ITGA9: variants seen among roughly 807,000 people sequenced by gnomAD.
ITGA9 encodes the protein integrin subunit alpha 9.
In ITGA9, 56 loss-of-function variants were observed where a neutral mutation model predicts 127.8. That is an observed-to-expected ratio of 0.44 (90% CI 0.35 to 0.55). The LOEUF (loss-of-function observed/expected upper bound fraction) is 0.55. Among genes scored for constraint, ITGA9 ranks in the 20% least tolerant of loss-of-function variants. The probability of loss-of-function intolerance (pLI) is 0.00; values close to 1 mark genes in which losing one functional copy is unlikely to be tolerated. For missense variants in ITGA9, 1,196 were observed against 1,347.1 expected (o/e 0.89, Z 1.76); for synonymous variants, 508 against 514.5 (o/e 0.99, Z 0.17).
In ITGA9 at chr3:37,672,540, G is replaced by A. The variant is rs1257154291; in HGVS notation, c.1917-11325G>A. On this transcript the variant is annotated intron_variant, in intron 17 of 27. Transcript: ENST00000264741. ...AGTCTCAAGTATATCTTTATTAGCA[G>A]TATGAGAACAGGCTAATACAGGCGG... 3.9e-5 allele frequency among the ~76,000 whole-genome samples: 6 copies of A among 152,170 alleles called. 1 individual carries two copies. Among genetic ancestry groups the A allele is most frequent in the Admixed American group, 1.3e-4 (2 of 15,274 alleles).
chr3:37,550,120 CT>C (rs1699364712), intron 15 of ITGA9, among the ~76,000 whole-genome samples: 1 of 152,150 alleles, frequency 6.6e-6, no homozygotes, highest in Admixed American at 6.5e-5. Flanking sequence ...TGCTCACAAC[CT>C]TACAGTTGAC....
chr3:37,572,237 C>T (rs1012695583), intron 15 of ITGA9, among the ~76,000 whole-genome samples: 1 of 152,000 alleles, frequency 6.6e-6, no homozygotes, highest in Non-Finnish European at 1.5e-5. Context: ...TCTGTCTTTC[C>T]CTTTGTTTCT....
intron 14 of ITGA9, among the ~76,000 whole-genome samples, chr3:37,539,047 C>T (rs895959075): frequency 6.6e-6 from 1 of 152,212 alleles, no homozygotes; most frequent in Non-Finnish European, 1.5e-5. Flanking sequence ...TTGTCCTCAG[C>T]TCAGTTTCTG....
chr3:37,722,834 TA>T (rs1363986480), intron 18 of ITGA9, among the ~76,000 whole-genome samples: 2 of 152,260 alleles, frequency 1.3e-5, no homozygotes, highest in Non-Finnish European at 2.9e-5. Flanking sequence ...GGTACATACC[TA>T]AGAGTGGGAT....
chr3:37,500,704 A>T (rs1031221823), intron 5 of ITGA9, among the ~76,000 whole-genome samples: 10 of 152,206 alleles, frequency 6.6e-5, no homozygotes, highest in Non-Finnish European at 1.5e-4. Flanking sequence ...GCCTCCAGGG[A>T]CTTGTCAGAG....
intron 18 of ITGA9, among the ~76,000 whole-genome samples, chr3:37,687,607 A>G (rs2125665238): frequency 6.6e-6 from 1 of 152,364 alleles, no homozygotes; most frequent in East Asian, 1.9e-4. Flanking sequence ...AAATGATACT[A>G]TTAACACTTA....
chr3:37,613,880 G>A (rs1214900066), intron 15 of ITGA9, among the ~76,000 whole-genome samples: 1 of 152,152 alleles, frequency 6.6e-6, no homozygotes, highest in African/African-American at 2.4e-5. Flanking sequence ...TGTCAGATGA[G>A]TAGATTGCAA....
intron 11 of ITGA9, among the ~76,000 whole-genome samples, chr3:37,521,312 C>G (rs17826234): frequency 0.02 from 2,978 of 152,298 alleles, 52 homozygotes; most frequent in Non-Finnish European, 0.028. Context: ...GCAATGGAAT[C>G]ACTTTGCTTT....
chr3:37,517,484 T>G lies in ITGA9; in HGVS notation c.1036-20T>G. On this transcript the variant is annotated intron_variant, in intron 9 of 27. Coordinates refer to ENST00000264741, the MANE Select transcript of ITGA9 (RefSeq NM_002207.3). Reference sequence around the variant, plus strand: ...TGTTTTTGTTTTGTTTTCCATTTTCTCCTCCATCCTGTTTCCCAGGGAGCC... The same window carrying G: ...TGTTTTTGTTTTGTTTTCCATTTTCGCCTCCATCCTGTTTCCCAGGGAGCC... 1 of 1,524,792 alleles carries G rather than the reference T, an allele frequency of 6.6e-7. No individual in the cohort carries two copies. The highest frequency in any genetic ancestry group is 8.9e-7 in the Non-Finnish European group (1 of 1,117,456). The allele number at this position is 1,524,792 out of a possible 1,614,324, so 94.5% of individuals were successfully genotyped here. A position where few individuals can be genotyped will look rare whatever the true frequency, so the allele number is the denominator to read the frequency against.
chr3:37,462,828 C>T (rs1698330476), intron 1 of ITGA9, among the ~76,000 whole-genome samples: 1 of 152,182 alleles, frequency 6.6e-6, no homozygotes, highest in Non-Finnish European at 1.5e-5. Flanking sequence ...CTGCCTTTTC[C>T]TTTTGTGCCT....
chr3:37,792,558 A>G (rs994861380), intron 26 of ITGA9, among the ~76,000 whole-genome samples: 8 of 152,334 alleles, frequency 5.3e-5, no homozygotes, highest in Admixed American at 1.3e-4. Context: ...AAGGCACTGA[A>G]AGACCAGGTA....
intron 26 of ITGA9, among the ~76,000 whole-genome samples, chr3:37,796,279 C>A (rs576985831): frequency 6.6e-6 from 1 of 152,218 alleles, no homozygotes. Flanking sequence ...TCATGAGGAT[C>A]TTTTATCATC....
rs369798746 is a variant in ITGA9, at chr3:37,779,928, C to T, written c.2694C>T (p.Cys898=). 8.7e-6 allele frequency: 14 copies of T among 1,613,902 alleles called. No homozygotes were observed. Among genetic ancestry groups the T allele is most frequent in the Non-Finnish European group, 1.1e-5 (13 of 1,179,780 alleles). The change falls in exon 25 of 28, where the codon TGC becomes TGT. Residue 898 remains cysteine, a synonymous_variant. Transcript: ENST00000264741. Reference sequence around the variant, plus strand: ...ACTGTGAAAAACCAGGAATTTCTTGCCTAACAGCACACTGTAACTTTAGTG... The same window carrying T: ...ACTGTGAAAAACCAGGAATTTCTTGTCTAACAGCACACTGTAACTTTAGTG... ...VLDCEKPGIS[C]LTAHCNFSAL... is the part of the protein sequence containing the mutation.
intron 15 of ITGA9, among the ~76,000 whole-genome samples, chr3:37,627,142 C>T (rs1700183323): frequency 6.6e-6 from 1 of 152,122 alleles, no homozygotes; most frequent in Non-Finnish European, 1.5e-5. Context: ...CAAAGGCTCC[C>T]CTATCACTCT....
intron 22 of ITGA9, chr3:37,748,265 G>A: frequency 1.4e-5 from 7 of 498,598 alleles, no homozygotes; most frequent in South Asian, 1.2e-4. Flanking sequence ...CAAAAAGGAA[G>A]GCCCCGCAAG....
intron 23 of ITGA9, among the ~76,000 whole-genome samples, chr3:37,765,531 T>A (rs1006246735): frequency 6.6e-6 from 1 of 152,158 alleles, no homozygotes; most frequent in Non-Finnish European, 1.5e-5. Flanking sequence ...GTTCCTGAAA[T>A]GGGTCAGGAT....
intron 18 of ITGA9, among the ~76,000 whole-genome samples, chr3:37,700,942 A>T (rs1360775113): frequency 3.3e-5 from 5 of 152,194 alleles, no homozygotes; most frequent in Non-Finnish European, 5.9e-5. Flanking sequence ...TCAGAAATGG[A>T]GAAATGCTTC....
At chr3:37,520,729 GC>G (rs1254877945) in intron 11 of ITGA9, among the ~76,000 whole-genome samples, 1 of 152,200 alleles carries the variant, frequency 6.6e-6, no homozygotes, top group Non-Finnish European at 1.5e-5. Context: ...CAGTTTGGGG[GC>G]CACATCTGAG....
chr3:37,670,124 T>G (rs1269251914), intron 17 of ITGA9, among the ~76,000 whole-genome samples: 3 of 151,968 alleles, frequency 2.0e-5, no homozygotes, highest in Non-Finnish European at 4.4e-5. Context: ...TTTTTTTTTT[T>G]TCTGGTGCTA....
Sources: gnomAD v4.1 joint callset for allele counts (sites outside exome capture counted in the v4.1 genomes callset) on GRCh38, gnomAD v4.1.1 for gene constraint, MANE v1.5 for transcripts, NCBI Gene and HGNC (gene_info 2026-07-23, HGNC 2026-07-21) for gene names.